Variants in OSBPL8 observed in about 807,000 individuals in gnomAD.
OSBPL8 encodes oxysterol binding protein like 8.
Under a neutral mutation model 125.5 loss-of-function variants are expected in OSBPL8, and 59 were observed. The observed-to-expected ratio is 0.47, with a 90% CI of 0.38 to 0.58. The LOEUF (loss-of-function observed/expected upper bound fraction) is 0.58, where lower values mean the gene tolerates loss of function less well. Among genes scored for constraint, OSBPL8 ranks in the 20% least tolerant of loss-of-function variants. OSBPL8 has a pLI of 0.00. For missense variants in OSBPL8, 758 were observed against 1,047.8 expected (o/e 0.72, Z 3.82); for synonymous variants, 330 against 338.9 (o/e 0.97, Z 0.29).
chr12:76,451,569 T>A lies in OSBPL8; in HGVS notation c.80-581A>T, dbSNP rs140995706. On this transcript the variant is annotated intron_variant, in intron 3 of 23. Coordinates refer to ENST00000261183, the MANE Select transcript of OSBPL8 (RefSeq NM_020841.5). ...GGCTAAACAGTAATAGAGGCAAGAT[T>A]CTAACTCAGAACCATTTGGTTCCAA... Among the ~76,000 whole-genome samples the A allele has an allele frequency of 8.7e-3, 1,319 of 152,296 alleles. 17 individuals carry two copies. The highest frequency in any genetic ancestry group is 0.049 in the South Asian group (238 of 4,822).
At chr12:76,512,836 T>C (rs1881137716) in intron 1 of OSBPL8, among the ~76,000 whole-genome samples, 2 of 152,230 alleles carry the variant, frequency 1.3e-5, no homozygotes, top group African/African-American at 2.4e-5. Context: ...GTTTTTCCAT[T>C]TGTCTGCATC....
intron 2 of OSBPL8, among the ~76,000 whole-genome samples, chr12:76,466,909 G>A (rs1430585109): frequency 6.6e-6 from 1 of 151,492 alleles, no homozygotes; most frequent in East Asian, 1.9e-4. Context: ...AGGCTGCAGT[G>A]AGCCAAGATT....
chr12:76,399,565 G>C (rs1953962608), intron 7 of OSBPL8, among the ~76,000 whole-genome samples: 1 of 151,940 alleles, frequency 6.6e-6, no homozygotes, highest in African/African-American at 2.4e-5. Flanking sequence ...ACAATAATTG[G>C]AATAGCAAGC....
chr12:76,488,414 C>T (rs572174100), intron 1 of OSBPL8, among the ~76,000 whole-genome samples: 1 of 152,262 alleles, frequency 6.6e-6, no homozygotes, highest in South Asian at 2.1e-4. Context: ...TTGTGTTTCG[C>T]TTTACTGCAC....
At chr12:76,436,635 AGG>A (rs1871482561) in intron 4 of OSBPL8, among the ~76,000 whole-genome samples, 1 of 152,152 alleles carries the variant, frequency 6.6e-6, no homozygotes, top group Non-Finnish European at 1.5e-5. Flanking sequence ...TTTGAATTGA[AGG>A]AACTTAACTT....
chr12:76,381,116 T>G (rs1396109579), intron 15 of OSBPL8, among the ~76,000 whole-genome samples: 2 of 152,168 alleles, frequency 1.3e-5, no homozygotes, highest in African/African-American at 2.4e-5. Context: ...TACCTTTATT[T>G]ATATGTCCAT....
Position 76,440,057 on chromosome 12 carries a change from A to G in OSBPL8, c.217+10794T>C, listed in dbSNP as rs538978781. Among the ~76,000 whole-genome samples, 11 of 152,258 alleles carry G rather than the reference A, an allele frequency of 7.2e-5. No individual in the cohort carries two copies. In the East Asian group the frequency reaches 1.9e-3, roughly 27 times the overall value. ...TTCTGAGCCTTTCTTCTTGCCAAAT[A>G]TCAGCATTAAGGCTATTATTTTTTA... is the stretch of plus-strand genomic sequence containing the variant. On this transcript the variant is annotated intron_variant, in intron 4 of 23. Transcript: ENST00000261183.
At chr12:76,394,800 A>G (rs1786200199) in intron 8 of OSBPL8, 71 bp from the exon 9 acceptor site, 2 of 1,017,936 alleles carry the variant, frequency 2.0e-6, no homozygotes, top group South Asian at 1.7e-5. Flanking sequence ...ACACTATCCA[A>G]TATTATCTGT....
intron 8 of OSBPL8, among the ~76,000 whole-genome samples, chr12:76,395,372 T>G (rs1045811215): frequency 2.0e-5 from 3 of 152,208 alleles, no homozygotes; most frequent in Admixed American, 6.5e-5. Flanking sequence ...AACTAAGTAC[T>G]GAATTTAAAG....
At chr12:76,494,759 GA>G (rs1368530458) in intron 1 of OSBPL8, among the ~76,000 whole-genome samples, 8 of 152,170 alleles carry the variant, frequency 5.3e-5, no homozygotes, top group Non-Finnish European at 8.8e-5. Context: ...CCAAAAATTA[GA>G]AGTTTAGTTT....
intron 4 of OSBPL8, 126 bp downstream of exon 4, chr12:76,450,725 A>G: frequency 1.1e-6 from 1 of 904,166 alleles, no homozygotes; most frequent in Non-Finnish European, 1.6e-6. Flanking sequence ...AACAAACAAA[A>G]CCCCTTACAA....
At chr12:76,437,297 C>G (rs1039201136) in intron 4 of OSBPL8, among the ~76,000 whole-genome samples, 3 of 152,102 alleles carry the variant, frequency 2.0e-5, no homozygotes, top group African/African-American at 7.2e-5. Context: ...CTTACTGACA[C>G]CTGTAATTAT....
intron 1 of OSBPL8, among the ~76,000 whole-genome samples, chr12:76,512,157 T>C (rs1424747393): frequency 1.3e-5 from 2 of 152,182 alleles, no homozygotes. Context: ...CCAGTGTCTG[T>C]TGTTTCCTTC....
chr12:76,400,206 T>C (rs190328457), intron 6 of OSBPL8, among the ~76,000 whole-genome samples: 138 of 152,294 alleles, frequency 9.1e-4, no homozygotes, highest in Non-Finnish European at 1.5e-3. Context: ...GTTGTGTCCC[T>C]CTGTGTGTCC....
At chr12:76,387,623 T>C (rs888643090) in intron 12 of OSBPL8, among the ~76,000 whole-genome samples, 3 of 152,192 alleles carry the variant, frequency 2.0e-5, no homozygotes, top group African/African-American at 4.8e-5. Flanking sequence ...GTAGCTACTA[T>C]GCCCTTATTT....
chr12:76,456,310 A>C lies in OSBPL8; in HGVS notation c.79+3549T>G, dbSNP rs117279999. Among the ~76,000 whole-genome samples, 1,374 of 152,322 alleles carry C rather than the reference A, an allele frequency of 9.0e-3. 19 individuals carry two copies. Among genetic ancestry groups the C allele is most frequent in the South Asian group, 0.028 (136 of 4,828 alleles). ...ACGTACTTTTTTCATTCTATAGTAC[A>C]TGATACTAATCAAGTACCAAGAAAT... On this transcript the variant is annotated intron_variant, in intron 3 of 23. Coordinates refer to ENST00000261183, the MANE Select transcript of OSBPL8 (RefSeq NM_020841.5).
chr12:76,514,549 A>C (rs1197742093), intron 1 of OSBPL8, among the ~76,000 whole-genome samples: 1 of 152,096 alleles, frequency 6.6e-6, no homozygotes, highest in Non-Finnish European at 1.5e-5. Flanking sequence ...TGTTAGCCTG[A>C]TGGGGTTGCC....
rs1417127809 is a variant in OSBPL8 at position 76,538,546 on chromosome 12, A to T, written c.-68+20851T>A. Among the ~76,000 whole-genome samples, 3 of 152,348 alleles carry T rather than the reference A, an allele frequency of 2.0e-5. 1 individual carries two copies. The highest frequency in any genetic ancestry group is 6.8e-3 in the Middle Eastern group (2 of 294). The stretch of plus-strand genomic sequence containing the variant: ...AACACCTGTAAGAATGATTAAAGGG[A>T]TGACAGGCAACATGAGAGCAAGCCC... On this transcript the variant is annotated intron_variant, in intron 1 of 23. Transcript: ENST00000261183.
At chr12:76,503,625 G>A (rs1208906919) in intron 1 of OSBPL8, among the ~76,000 whole-genome samples, 5 of 152,068 alleles carry the variant, frequency 3.3e-5, no homozygotes, top group African/African-American at 4.8e-5. Context: ...TGCAAGCTCC[G>A]CCTCCTGGGT....
Sources: gnomAD v4.1 joint callset for allele counts (sites outside exome capture counted in the v4.1 genomes callset) on GRCh38, gnomAD v4.1.1 for gene constraint, MANE v1.5 for transcripts, NCBI Gene and HGNC (gene_info 2026-07-23, HGNC 2026-07-21) for gene names.